ADAM32: variants seen among roughly 807,000 people sequenced by gnomAD.
ADAM32 encodes the protein ADAM metallopeptidase domain 32.
A neutral mutation model predicts 114.9 loss-of-function variants in ADAM32; 89 were observed. The observed-to-expected ratio is 0.77, with a 90% CI of 0.65 to 0.92. ADAM32 has a LOEUF of 0.92. ADAM32 is among the 40% of genes least tolerant of loss of function. The probability of loss-of-function intolerance (pLI) is 0.00; values close to 1 mark genes in which losing one functional copy is unlikely to be tolerated. For synonymous variants in ADAM32, 285 were observed against 307.5 expected, an observed-to-expected ratio of 0.93 and a Z score of 0.77; for missense variants, 870 against 932.8, an observed-to-expected ratio of 0.93 and a Z score of 0.88.
intron 19 of ADAM32, among the ~76,000 whole-genome samples, chr8:39,268,787 T>C (rs1812527056): frequency 6.6e-6 from 1 of 152,214 alleles, no homozygotes; most frequent in African/African-American, 2.4e-5. Flanking sequence ...ATGGAAATAG[T>C]ATATTTTGTA....
chr8:39,200,830 C>T (rs1302801985), intron 11 of ADAM32, among the ~76,000 whole-genome samples: 3 of 152,136 alleles, frequency 2.0e-5, no homozygotes, highest in Non-Finnish European at 4.4e-5. Context: ...CCAGTTTCAG[C>T]TTTCTACATA....
intron 17 of ADAM32, among the ~76,000 whole-genome samples, chr8:39,251,647 T>G (rs544692748): frequency 2.0e-5 from 3 of 152,046 alleles, no homozygotes; most frequent in African/African-American, 7.2e-5. Context: ...TTTGGAAATA[T>G]TTTCTTTTAT....
At chr8:39,164,149 T>G (rs893943032) in intron 7 of ADAM32, among the ~76,000 whole-genome samples, 8 of 152,200 alleles carry the variant, frequency 5.3e-5, no homozygotes, top group Non-Finnish European at 1.2e-4. Flanking sequence ...ACTGATCCCC[T>G]GCCCGCTTCT....
At chr8:39,174,973 T>A (rs71432315) in intron 10 of ADAM32, among the ~76,000 whole-genome samples, 1 of 152,152 alleles carries the variant, frequency 6.6e-6, no homozygotes, top group Non-Finnish European at 1.5e-5. Flanking sequence ...CATTCATGAT[T>A]TCACTCTCTG....
intron 16 of ADAM32, among the ~76,000 whole-genome samples, chr8:39,235,617 A>G (rs1426251860): frequency 6.6e-6 from 1 of 152,234 alleles, no homozygotes; most frequent in Admixed American, 6.5e-5. Context: ...CTTCTCAGAA[A>G]TAATGTGTAA....
At chr8:39,128,026 C>T (rs1209669477) in intron 2 of ADAM32, among the ~76,000 whole-genome samples, 1 of 152,040 alleles carries the variant, frequency 6.6e-6, no homozygotes, top group Non-Finnish European at 1.5e-5. Context: ...CTGTAGATAT[C>T]TATCAGGTCT....
intron 6 of ADAM32, chr8:39,157,601 AT>A (rs1265850875): frequency 2.2e-5 from 12 of 554,200 alleles, no homozygotes; most frequent in African/African-American, 2.1e-4. Context: ...CTTCTTCTCC[AT>A]GGTTTGGAAG....
chr8:39,126,538 C>A (rs1459037636), intron 2 of ADAM32, among the ~76,000 whole-genome samples: 1 of 152,128 alleles, frequency 6.6e-6, no homozygotes, highest in Non-Finnish European at 1.5e-5. Context: ...TATCCTGATA[C>A]TTTGCTGAAG....
intron 5 of ADAM32, 84 bp from the exon 6 acceptor site, chr8:39,151,293 A>T (rs1803809987): frequency 8.4e-7 from 1 of 1,197,062 alleles, no homozygotes; most frequent in Non-Finnish European, 1.1e-6. Context: ...AAAACGTTTT[A>T]TTTTTTTTTC....
chr8:39,120,118 G>A (rs777668235), intron 2 of ADAM32, among the ~76,000 whole-genome samples: 1 of 152,204 alleles, frequency 6.6e-6, no homozygotes, highest in Non-Finnish European at 1.5e-5. Flanking sequence ...AGAACTGTGA[G>A]AAAATACATT....
chr8:39,164,296 T>C (rs1804695448), intron 7 of ADAM32, among the ~76,000 whole-genome samples: 1 of 152,242 alleles, frequency 6.6e-6, no homozygotes, highest in African/African-American at 2.4e-5. Context: ...ATCCAGGCAG[T>C]TCCATATATC....
At chr8:39,177,801 T>G (rs1420536506) in intron 10 of ADAM32, among the ~76,000 whole-genome samples, 1 of 152,232 alleles carries the variant, frequency 6.6e-6, no homozygotes, top group Non-Finnish European at 1.5e-5. Flanking sequence ...AATTCTGGGT[T>G]GAAAATTCTT....
At chr8:39,199,353 C>T (rs946816415) in intron 11 of ADAM32, among the ~76,000 whole-genome samples, 16 of 152,086 alleles carry the variant, frequency 1.1e-4, no homozygotes, top group African/African-American at 3.6e-4. Context: ...ATATTTTGTT[C>T]CTGTATGCTG....
At chr8:39,121,586 A>T (rs140653113) in intron 2 of ADAM32, among the ~76,000 whole-genome samples, 2,516 of 152,290 alleles carry the variant, frequency 0.017, 34 homozygotes, top group Non-Finnish European at 0.02. Flanking sequence ...GTACTCCAGA[A>T]CTTGAAGTAT....
At chr8:39,237,571 G>T (rs1289472613) in intron 16 of ADAM32, among the ~76,000 whole-genome samples, 1 of 152,132 alleles carries the variant, frequency 6.6e-6, no homozygotes, top group Non-Finnish European at 1.5e-5. Context: ...GGCCTTACTG[G>T]CTGCATAGGA....
At chr8:39,177,327 C>A (rs766210999) in intron 10 of ADAM32, among the ~76,000 whole-genome samples, 15 of 152,120 alleles carry the variant, frequency 9.9e-5, no homozygotes, top group Non-Finnish European at 1.8e-4. Flanking sequence ...TCCCAAAGTG[C>A]TTGAGTGATT....
chr8:39,220,361 G>A (rs1286585837), intron 12 of ADAM32, among the ~76,000 whole-genome samples: 1 of 152,076 alleles, frequency 6.6e-6, no homozygotes, highest in Non-Finnish European at 1.5e-5. Context: ...CTTGAAGACA[G>A]CAGATGGATG....
chr8:39,170,033 A>G lies in ADAM32; in HGVS notation c.915+36A>G, dbSNP rs1805092404. ...ATTTAATCTTATTTTTTAAATTAAC[A>G]CGTTTAAAAATTATTTGACATGATA... On this transcript the variant is annotated intron_variant, in intron 10 of 24. Transcript: ENST00000379907. The G allele has an allele frequency of 5.0e-6, 7 of 1,409,028 alleles. No homozygotes were observed. In the East Asian group the frequency reaches 1.2e-4, roughly 23 times the overall value. The allele number at this position is 1,409,028 out of a possible 1,614,324, so 87.3% of individuals were successfully genotyped here. A position where few individuals can be genotyped will look rare whatever the true frequency, so the allele number is the denominator to read the frequency against.
chr8:39,129,125 C>T (rs1163713458), intron 2 of ADAM32, among the ~76,000 whole-genome samples: 8 of 133,522 alleles, frequency 6.0e-5, no homozygotes, highest in Admixed American at 1.5e-4. Flanking sequence ...TTTTTTTTGT[C>T]TTTTTTTTTT....
Sources: allele counts gnomAD v4.1 joint callset (sites outside exome capture counted in the v4.1 genomes callset), GRCh38; gene constraint gnomAD v4.1.1; transcripts MANE v1.5; gene names NCBI Gene and HGNC (gene_info 2026-07-23, HGNC 2026-07-21).